ROBO2: variants seen among roughly 807,000 people sequenced by gnomAD.
The protein encoded by ROBO2 is roundabout guidance receptor 2.
Under a neutral mutation model 160.8 loss-of-function variants are expected in ROBO2, and 53 were observed. The ratio of observed to expected loss-of-function variants is 0.33; its 90% CI spans 0.26 to 0.41. The LOEUF (loss-of-function observed/expected upper bound fraction) is 0.41, where lower values mean the gene tolerates loss of function less well. ROBO2 is among the 10% of genes least tolerant of loss of function. ROBO2 has a pLI of 1.00. For synonymous variants in ROBO2, 664 were observed against 611.7 expected, an observed-to-expected ratio of 1.09 and a Z score of -1.26; for missense variants, 1,577 against 1,722.4, an observed-to-expected ratio of 0.92 and a Z score of 1.49.
intron 2 of ROBO2, among the ~76,000 whole-genome samples, chr3:76,431,452 A>G (rs969562326): frequency 2.0e-5 from 3 of 152,186 alleles, no homozygotes; most frequent in African/African-American, 7.2e-5. Flanking sequence ...ACACTATAAC[A>G]TGTAGTATGG....
At chr3:77,339,410 C>T (rs1327474773) in intron 2 of ROBO2, among the ~76,000 whole-genome samples, 1 of 152,028 alleles carries the variant, frequency 6.6e-6, no homozygotes, top group African/African-American at 2.4e-5. Flanking sequence ...CCATCTTCTT[C>T]ATATAAGAAC....
At chr3:77,398,249 C>T (rs937365624) in intron 2 of ROBO2, among the ~76,000 whole-genome samples, 1 of 151,924 alleles carries the variant, frequency 6.6e-6, no homozygotes, top group Non-Finnish European at 1.5e-5. Flanking sequence ...AGGGAACATG[C>T]GGGAGGGAGT....
intron 2 of ROBO2, among the ~76,000 whole-genome samples, chr3:76,123,010 G>C (rs1418305088): frequency 6.6e-6 from 1 of 152,044 alleles, no homozygotes; most frequent in Non-Finnish European, 1.5e-5. Flanking sequence ...GCCTCCCAAA[G>C]TGTTGGGATT....
chr3:76,298,293 G>T (rs1709185480), intron 2 of ROBO2, among the ~76,000 whole-genome samples: 1 of 152,084 alleles, frequency 6.6e-6, no homozygotes, highest in Non-Finnish European at 1.5e-5. Flanking sequence ...AAAATGGAGA[G>T]GGATAGGGGT....
intron 2 of ROBO2, among the ~76,000 whole-genome samples, chr3:76,637,176 C>G (rs2090389253): frequency 6.6e-6 from 1 of 152,090 alleles, no homozygotes; most frequent in Admixed American, 6.5e-5. Flanking sequence ...TTCACAACAG[C>G]AGCAGTGGCA....
chr3:76,607,682 GA>G (rs998627218), intron 2 of ROBO2, among the ~76,000 whole-genome samples: 1 of 151,896 alleles, frequency 6.6e-6, no homozygotes, highest in Non-Finnish European at 1.5e-5. Context: ...TCCTACATTA[GA>G]AAAAAAATTT....
At chr3:76,526,578 A>T (rs1180252930) in intron 2 of ROBO2, among the ~76,000 whole-genome samples, 1 of 152,038 alleles carries the variant, frequency 6.6e-6, no homozygotes, top group East Asian at 1.9e-4. Context: ...GAAGAGTGCT[A>T]TAAAATTTTA....
chr3:76,172,265 A>G (rs2073069622), intron 2 of ROBO2, among the ~76,000 whole-genome samples: 1 of 139,158 alleles, frequency 7.2e-6, no homozygotes, highest in African/African-American at 2.6e-5. Flanking sequence ...AGGAAGGGGA[A>G]CATCACACAC....
At chr3:76,734,279 G>A (rs1468663745) in intron 2 of ROBO2, among the ~76,000 whole-genome samples, 2 of 152,040 alleles carry the variant, frequency 1.3e-5, no homozygotes, top group Non-Finnish European at 2.9e-5. Flanking sequence ...TATTAAATAA[G>A]GTGGCCATAT....
intron 2 of ROBO2, among the ~76,000 whole-genome samples, chr3:75,937,927 C>T (rs1342838526): frequency 2.9e-5 from 4 of 138,628 alleles, no homozygotes; most frequent in African/African-American, 1.1e-4. Context: ...GGCGGGTATG[C>T]GTATGAGTTT....
chr3:76,469,741 A>G (rs1176722609), intron 2 of ROBO2, among the ~76,000 whole-genome samples: 1 of 151,728 alleles, frequency 6.6e-6, no homozygotes, highest in Non-Finnish European at 1.5e-5. Flanking sequence ...TCTACGTTCT[A>G]CTCCCGCACC....
intron 2 of ROBO2, among the ~76,000 whole-genome samples, chr3:77,289,008 G>T (rs1560436906): frequency 6.6e-6 from 1 of 152,130 alleles, no homozygotes; most frequent in Non-Finnish European, 1.5e-5. Context: ...AAGAGTTTGG[G>T]CATTGGTGAG....
intron 2 of ROBO2, among the ~76,000 whole-genome samples, chr3:76,763,009 A>AGTT (rs1178758626): frequency 1.3e-5 from 2 of 151,736 alleles, no homozygotes; most frequent in East Asian, 2.0e-4. Context: ...AATAAAATTC[A>AGTT]GTTTAATTAA....
chr3:76,521,131 C>G (rs541612124), intron 2 of ROBO2, among the ~76,000 whole-genome samples: 140 of 149,680 alleles, frequency 9.4e-4, no homozygotes, highest in African/African-American at 3.5e-3. Context: ...TCACCGCAAC[C>G]TTTGCCTTTC....
intron 2 of ROBO2, among the ~76,000 whole-genome samples, chr3:76,520,235 G>A (rs1044860910): frequency 2.0e-5 from 3 of 152,128 alleles, no homozygotes; most frequent in African/African-American, 7.2e-5. Context: ...CGGATCACCT[G>A]AGGTCAGGGG....
rs185188045 is a variant in ROBO2 at position 76,446,392 on chromosome 3, G to A, written c.109+508790G>A. ...ATCACTGCTCAACGAAATAGAAGAG[G>A]ACACAAACAAGTGGAAGAACATTCT... On this transcript the variant is annotated intron_variant, in intron 2 of 26. Coordinates refer to the ROBO2 transcript ENST00000487694. 8.5e-5 allele frequency among the ~76,000 whole-genome samples: 13 copies of A among 152,204 alleles called. No individual in the cohort carries two copies. The South Asian group carries it at 1.2e-3, about 15-fold the overall frequency.
chr3:76,629,532 T>C (rs904775131), intron 2 of ROBO2, among the ~76,000 whole-genome samples: 2 of 152,098 alleles, frequency 1.3e-5, no homozygotes, highest in Non-Finnish European at 1.5e-5. Context: ...ACTAAACCCG[T>C]CTAGTCTTTC....
intron 2 of ROBO2, among the ~76,000 whole-genome samples, chr3:76,603,352 ATAT>A (rs1189633716): frequency 1.0e-3 from 33 of 32,178 alleles, no homozygotes; most frequent in East Asian, 2.3e-3. Flanking sequence ...AAAAAAAAAA[ATAT>A]ATATATATAT....
intron 2 of ROBO2, among the ~76,000 whole-genome samples, chr3:77,230,278 C>T (rs2087005846): frequency 6.6e-6 from 1 of 152,006 alleles, no homozygotes; most frequent in African/African-American, 2.4e-5. Flanking sequence ...GAGACAGGGT[C>T]TCACTATGTT....
Sources: gnomAD v4.1 joint callset for allele counts (sites outside exome capture counted in the v4.1 genomes callset) on GRCh38, gnomAD v4.1.1 for gene constraint, MANE v1.5 for transcripts, NCBI Gene and HGNC (gene_info 2026-07-23, HGNC 2026-07-21) for gene names.